Variants in COL1A2 observed in about 807,000 individuals in gnomAD.
COL1A2 encodes collagen alpha-2(I) chain.
A neutral mutation model predicts 174.3 loss-of-function variants in COL1A2; 49 were observed. The ratio of observed to expected loss-of-function variants is 0.28; its 90% confidence interval spans 0.22 to 0.36. The LOEUF (loss-of-function observed/expected upper bound fraction) is 0.36, where lower values mean the gene tolerates loss of function less well. Ranked by LOEUF, COL1A2 falls within the 10% of genes least tolerant of loss-of-function variation. COL1A2 has a pLI of 1.00. For synonymous variants in COL1A2, 655 were observed against 606.6 expected (o/e 1.08, Z -1.17); for missense variants, 1,438 against 1,822.7 (o/e 0.79, Z 3.84).
rs1396030428 is a variant in COL1A2 at position 94,397,767 on chromosome 7, A to G, written c.81+9A>G. Reference sequence around the variant, plus strand: ...CTACAGCTTTACAAGAGGTGAGTAAAACTTTTTTTAGAATTTTTAAAAATA... The same window carrying G: ...CTACAGCTTTACAAGAGGTGAGTAAGACTTTTTTTAGAATTTTTAAAAATA... On this transcript the variant is annotated intron_variant, in intron 2 of 51. Coordinates refer to ENST00000297268, the MANE Select transcript of COL1A2 (RefSeq NM_000089.4). 5 of 1,313,916 alleles carry G rather than the reference A, an allele frequency of 3.8e-6. No homozygotes were observed. The highest frequency in any genetic ancestry group is 1.5e-5 in the African/African-American group (1 of 68,194). The allele number at this position is 1,313,916 out of a possible 1,614,324, so 81.4% of individuals were successfully genotyped here.
intron 29 of COL1A2, among the ~76,000 whole-genome samples, chr7:94,414,501 A>G (rs967079688): frequency 8.5e-5 from 13 of 152,356 alleles, no homozygotes; most frequent in Middle Eastern, 3.4e-3. Flanking sequence ...TTATGAAAGT[A>G]AAATCTATCA....
At chr7:94,423,719 C>T (rs573203941) in intron 40 of COL1A2, 40 of 163,786 alleles carry the variant, frequency 2.4e-4, no homozygotes, top group African/African-American at 8.2e-4. Context: ...CTCAGCCTCC[C>T]GAGTAGCTGG....
chr7:94,427,909 A>T (rs1261570312), intron 49 of COL1A2, 24 bp downstream of exon 49: 1 of 1,612,720 alleles, frequency 6.2e-7, no homozygotes, highest in East Asian at 2.2e-5. Context: ...TCCAGACCAG[A>T]CTGACCCTTC....
chr7:94,420,537 A>T lies in COL1A2; in HGVS notation c.2188-4A>T. On this transcript the variant is annotated splice_polypyrimidine_tract_variant and splice_region_variant and intron_variant, in intron 36 of 51. Transcript: ENST00000297268. ...CCAGAGCTGTAACTGTTTATTTCCA[A>T]CAGGGTGCTGCTGGTCAACCTGGTG... is the stretch of plus-strand genomic sequence containing the variant. 1 of 1,614,052 alleles carries T rather than the reference A, an allele frequency of 6.2e-7. No homozygotes were observed. The highest frequency in any genetic ancestry group is 8.5e-7 in the Non-Finnish European group (1 of 1,179,960).
At chr7:94,404,491 T>C in intron 6 of COL1A2, 65 bp from the exon 7 acceptor site, 3 of 1,570,062 alleles carry the variant, frequency 1.9e-6, no homozygotes, top group Non-Finnish European at 2.6e-6. Flanking sequence ...TGGTCATATC[T>C]GACCCCAGCC....
At chr7:94,397,473 A>G (rs1299235662) in intron 1 of COL1A2, among the ~76,000 whole-genome samples, 1 of 152,190 alleles carries the variant, frequency 6.6e-6, no homozygotes, top group Admixed American at 6.5e-5. Flanking sequence ...AGACACATTA[A>G]TATTTCACAA....
At chr7:94,412,850 A>G (rs756606256) in intron 25 of COL1A2, among the ~76,000 whole-genome samples, 168 bp downstream of exon 25, 31 of 152,196 alleles carry the variant, frequency 2.0e-4, no homozygotes, top group Non-Finnish European at 4.6e-4. Context: ...GTGTATCCTT[A>G]TATCCCTGCT....
Position 94,425,591 on chromosome 7 carries a change from T to C in COL1A2, c.2782-19T>C. Reference sequence around the variant, plus strand: ...GCAGAGCCTCACCAACAGCCTTAATTTGTGTGGTGTCTTCACAGGGCAACC... The same window carrying C: ...GCAGAGCCTCACCAACAGCCTTAATCTGTGTGGTGTCTTCACAGGGCAACC... On this transcript the variant is annotated intron_variant, in intron 42 of 51. Coordinates refer to ENST00000297268, the MANE Select transcript of COL1A2 (RefSeq NM_000089.4). 6 of 1,613,726 alleles carry C rather than the reference T, an allele frequency of 3.7e-6. No homozygotes were observed. The highest frequency in any genetic ancestry group is 5.1e-6 in the Non-Finnish European group (6 of 1,179,674).
In COL1A2 at chr7:94,431,120, G is replaced by GT. The variant is rs1304302182; in HGVS notation, c.*730dup. On this transcript the variant is annotated 3_prime_UTR_variant, in exon 52 of 52. Transcript: ENST00000297268. ...TCTTCCATGGTTCCACAGAAGCTTT[G>GT]TTTCTTGGGCAAGCAGAAAAATTAA... is the stretch of plus-strand genomic sequence containing the variant. 6.6e-6 allele frequency: 1 copy of GT among 152,442 alleles called. No homozygotes were observed. The highest frequency in any genetic ancestry group is 1.5e-5 in the Non-Finnish European group (1 of 67,990). The allele number at this position is 152,442 out of a possible 1,614,324, so 9.4% of individuals were successfully genotyped here.
rs757112736 is a variant in COL1A2, at chr7:94,428,445, T to A, written c.3679T>A (p.Trp1227Arg). ...GAGCTCCAAGGACAAGAAACACGTC[T>A]GGCTAGGAGAAACTATCAATGCTGG... Reference protein sequence around the residue: ...YRSSKDKKHVWLGETINAGSQ... With the variant: ...YRSSKDKKHVRLGETINAGSQ... Residue 1227 changes from tryptophan to arginine, a missense_variant, in exon 50 of 52, where the codon TGG becomes AGG. Physicochemically the swap from Trp to Arg is moderately radical, Grantham distance 101 (BLOSUM62 -3). Around this residue, in one of 3 missense-constraint regions of COL1A2, gnomAD observed 290 missense variants for 298.1 expected, o/e 0.97. Transcript: ENST00000297268. The A allele has an allele frequency of 2.5e-6, 4 of 1,614,008 alleles. No individual in the cohort carries two copies. The highest frequency in any genetic ancestry group is 3.4e-6 in the Non-Finnish European group (4 of 1,180,014).
At chr7:94,407,493 A>G (rs1349167765) in intron 12 of COL1A2, among the ~76,000 whole-genome samples, 1 of 152,204 alleles carries the variant, frequency 6.6e-6, no homozygotes, top group Admixed American at 6.5e-5. Context: ...AATAACTTTA[A>G]AAAGGATAAA....
chr7:94,403,780 C>T (rs371372663), intron 6 of COL1A2, among the ~76,000 whole-genome samples: 4 of 152,206 alleles, frequency 2.6e-5, no homozygotes, highest in East Asian at 1.9e-4. Flanking sequence ...ACAGACCCTA[C>T]GGATGAGCTT....
At chr7:94,407,251 C>T (rs999925588) in intron 12 of COL1A2, among the ~76,000 whole-genome samples, 1 of 152,072 alleles carries the variant, frequency 6.6e-6, no homozygotes, top group Non-Finnish European at 1.5e-5. Context: ...AATTAAGGGT[C>T]CTTATGAGGT....
At chr7:94,417,172 G>A (rs1197003867) in intron 31 of COL1A2, among the ~76,000 whole-genome samples, 1 of 152,168 alleles carries the variant, frequency 6.6e-6, no homozygotes, top group African/African-American at 2.4e-5. Flanking sequence ...ACATAAAAGG[G>A]AGAGAGGAAA....
At chr7:94,412,020 T>A in intron 23 of COL1A2, 48 bp from the exon 24 acceptor site, 1 of 1,487,186 alleles carries the variant, frequency 6.7e-7, no homozygotes, top group Non-Finnish European at 9.3e-7. Context: ...AAGGCTTGAG[T>A]ATGTAAGTTA....
intron 33 of COL1A2, among the ~76,000 whole-genome samples, chr7:94,418,992 T>C (rs1792098132): frequency 6.7e-6 from 1 of 150,080 alleles, no homozygotes; most frequent in African/African-American, 2.5e-5. Context: ...CCCCAAAGAT[T>C]AGCTGTTAAT....
chr7:94,409,795 G>A lies in COL1A2; in HGVS notation c.1009G>A (p.Gly337Ser), dbSNP rs67865220. 1 of 1,614,074 alleles carries A rather than the reference G, an allele frequency of 6.2e-7. No homozygotes were observed. The highest frequency in any genetic ancestry group is 8.5e-7 in the Non-Finnish European group (1 of 1,180,022). The change falls in exon 19 of 52, where the codon GGT becomes AGT. Residue 337 changes from glycine to serine, a missense_variant. Physicochemically the swap from Gly to Ser is moderately conservative, Grantham distance 56 (BLOSUM62 0). This residue lies in a region of COL1A2 where 867 missense variants were observed against 1,213.7 expected (regional missense o/e 0.71). Transcript: ENST00000297268. ...RGIPGPVGAA[G>S]ATGARGLVGE... is the part of the protein sequence containing the mutation. ...TATTCCTGGCCCTGTTGGTGCTGCCGGTGCTACTGGTGCCAGAGGACTTGT... is the reference window on the plus strand; with the variant it reads ...TATTCCTGGCCCTGTTGGTGCTGCCAGTGCTACTGGTGCCAGAGGACTTGT...
At chr7:94,412,769 C>A in intron 25 of COL1A2, 87 bp downstream of exon 25, 2 of 1,164,078 alleles carry the variant, frequency 1.7e-6, no homozygotes. Flanking sequence ...GCGAATCAGT[C>A]CAGTCTCAGG....
At chr7:94,405,087 G>T in intron 9 of COL1A2, 112 bp from the exon 10 acceptor site, 2 of 1,168,712 alleles carry the variant, frequency 1.7e-6, no homozygotes, top group Non-Finnish European at 2.5e-6. Flanking sequence ...TATATATCTG[G>T]ATCCATATTT....
Sources: allele counts gnomAD v4.1 joint callset (sites outside exome capture counted in the v4.1 genomes callset), GRCh38; gene constraint gnomAD v4.1.1; regional missense constraint gnomAD v4.1.1; transcripts MANE v1.5; gene names NCBI Gene and HGNC (gene_info 2026-07-23, HGNC 2026-07-21).